The following PCSK5 variants were observed in gnomAD, a reference collection of about 807,000 sequenced individuals.
The protein encoded by PCSK5 is proprotein convertase subtilisin/kexin type 5, also known as prohormone convertase 5.
A neutral mutation model predicts 233.2 loss-of-function variants in PCSK5; 129 were observed. The ratio of observed to expected loss-of-function variants is 0.55; its 90% CI spans 0.48 to 0.64. PCSK5 has a LOEUF of 0.64. PCSK5 is among the 30% of genes least tolerant of loss of function. The pLI is 0.00. For synonymous variants in PCSK5, 825 were observed against 879.2 expected, an observed-to-expected ratio of 0.94 and a Z score of 1.09; for missense variants, 2,076 against 2,430.1, an observed-to-expected ratio of 0.85 and a Z score of 3.06.
At chr9:76,338,181 T>C (rs560544323) in intron 34 of PCSK5, 49 bp from the exon 35 acceptor site, 95 of 1,388,124 alleles carry the variant, frequency 6.8e-5, no homozygotes, top group Non-Finnish European at 8.9e-5. Context: ...CTGCATCCAA[T>C]TTAGGAGCAA....
At chr9:76,324,417 G>C (rs1056383434) in intron 32 of PCSK5, among the ~76,000 whole-genome samples, 11 of 152,030 alleles carry the variant, frequency 7.2e-5, no homozygotes, top group Admixed American at 2.0e-4. Flanking sequence ...TTTTAGTAGA[G>C]ACAGGGTTTC....
intron 2 of PCSK5, among the ~76,000 whole-genome samples, chr9:75,967,566 G>A (rs1440470540): frequency 2.0e-5 from 3 of 152,198 alleles, no homozygotes; most frequent in Non-Finnish European, 4.4e-5. Flanking sequence ...AAGCTTGGGT[G>A]CCTATTTTCT....
At chr9:76,348,529 C>T (rs1056255226) in intron 35 of PCSK5, among the ~76,000 whole-genome samples, 2 of 151,854 alleles carry the variant, frequency 1.3e-5, no homozygotes, top group African/African-American at 4.8e-5. Flanking sequence ...CTGCAGTGAG[C>T]CATAATTACA....
chr9:76,282,530 C>G (rs183937474), intron 24 of PCSK5, among the ~76,000 whole-genome samples: 17 of 150,282 alleles, frequency 1.1e-4, no homozygotes, highest in Admixed American at 3.3e-4. Flanking sequence ...GTTGCCCAGG[C>G]TGATCTCAAA....
intron 7 of PCSK5, among the ~76,000 whole-genome samples, chr9:76,095,488 C>G (rs1056300031): frequency 2.0e-5 from 3 of 152,086 alleles, no homozygotes; most frequent in African/African-American, 7.2e-5. Flanking sequence ...CTGTTTATGA[C>G]CTTAGGAATA....
intron 24 of PCSK5, among the ~76,000 whole-genome samples, chr9:76,251,342 T>A (rs530676643): frequency 1.7e-4 from 26 of 151,826 alleles, no homozygotes; most frequent in Non-Finnish European, 3.5e-4. Flanking sequence ...GGCGGGTGGA[T>A]CATGAGGTCA....
chr9:76,169,890 G>A, intron 13 of PCSK5, 50 bp downstream of exon 13: 1 of 1,531,892 alleles, frequency 6.5e-7, no homozygotes, highest in Non-Finnish European at 9.0e-7. Context: ...AGAAAATGAT[G>A]GAGTATATTT....
chr9:76,047,488 A>G (rs1829463949), intron 5 of PCSK5, among the ~76,000 whole-genome samples: 1 of 152,160 alleles, frequency 6.6e-6, no homozygotes, highest in Non-Finnish European at 1.5e-5. Context: ...ATTTCTAGTG[A>G]CTTGAGAAAG....
At chr9:76,048,473 G>A (rs1563995024) in intron 5 of PCSK5, among the ~76,000 whole-genome samples, 1 of 152,116 alleles carries the variant, frequency 6.6e-6, no homozygotes, top group Non-Finnish European at 1.5e-5. Context: ...GTTTGTTCTG[G>A]CACTAAGTAC....
intron 2 of PCSK5, among the ~76,000 whole-genome samples, chr9:75,971,853 A>G (rs533770659): frequency 1.3e-5 from 2 of 151,582 alleles, no homozygotes; most frequent in South Asian, 2.1e-4. Context: ...GATTGCAAAA[A>G]TTTTCTCACA....
intron 37 of PCSK5, 69 bp downstream of exon 37, chr9:76,354,288 A>G (rs1164207288): frequency 2.5e-5 from 32 of 1,264,882 alleles, no homozygotes; most frequent in Non-Finnish European, 3.4e-5. Flanking sequence ...GAGCAGAGGG[A>G]GGGGGGGATG....
chr9:75,911,394 T>TTC (rs1822732807), intron 1 of PCSK5, among the ~76,000 whole-genome samples: 1 of 151,916 alleles, frequency 6.6e-6, no homozygotes, highest in Admixed American at 6.6e-5. Context: ...CACTTGTGAG[T>TTC]TTTCCCTTTG....
At chr9:75,921,327 C>T in intron 1 of PCSK5, among the ~76,000 whole-genome samples, 1 of 152,054 alleles carries the variant, frequency 6.6e-6, no homozygotes, top group Admixed American at 6.6e-5. Context: ...TTTTAAAGTC[C>T]CCGTATAATT....
intron 14 of PCSK5, among the ~76,000 whole-genome samples, chr9:76,177,317 A>G (rs60378110): frequency 0.015 from 2,308 of 152,210 alleles, 63 homozygotes; most frequent in African/African-American, 0.051. Flanking sequence ...GAAAAGAAAA[A>G]AAAGAACTAT....
intron 5 of PCSK5, among the ~76,000 whole-genome samples, chr9:76,060,359 A>G (rs1032268845): frequency 3.3e-5 from 5 of 152,180 alleles, no homozygotes; most frequent in Non-Finnish European, 7.3e-5. Flanking sequence ...AGAAAGGAAA[A>G]TGTTATTAAG....
chr9:76,046,746 G>C (rs1829423138), intron 5 of PCSK5, among the ~76,000 whole-genome samples: 1 of 150,816 alleles, frequency 6.6e-6, no homozygotes, highest in Admixed American at 6.6e-5. Flanking sequence ...ATTTTTAGTA[G>C]AGACGGGGTG....
intron 5 of PCSK5, among the ~76,000 whole-genome samples, chr9:76,055,928 A>G (rs1322943559): frequency 2.0e-5 from 3 of 152,242 alleles, no homozygotes; most frequent in Non-Finnish European, 4.4e-5. Context: ...GATGCATAAC[A>G]TGACCAATTA....
chr9:76,159,279 A>T, intron 12 of PCSK5, 108 bp downstream of exon 12: 5 of 953,504 alleles, frequency 5.2e-6, no homozygotes, highest in Non-Finnish European at 7.9e-6. Flanking sequence ...GAACCAGCAG[A>T]GGGGGTGCTT....
At chr9:76,098,858 G>A (rs182555076) in intron 8 of PCSK5, among the ~76,000 whole-genome samples, 2 of 152,208 alleles carry the variant, frequency 1.3e-5, no homozygotes, top group East Asian at 1.9e-4. Flanking sequence ...TGGGGCCTTC[G>A]TCATTGTTTG....
Sources: allele counts gnomAD v4.1 joint callset (sites outside exome capture counted in the v4.1 genomes callset), GRCh38; gene constraint gnomAD v4.1.1; transcripts MANE v1.5; gene names NCBI Gene and HGNC (gene_info 2026-07-23, HGNC 2026-07-21).